The following NLGN4X variants were observed in gnomAD, a reference collection of about 807,000 sequenced individuals.
The protein encoded by NLGN4X is neuroligin-4, X-linked.
NLGN4X carries 3 observed loss-of-function variants against 40.3 expected under a neutral mutation model. The observed-to-expected ratio is 0.07, with a 90% confidence interval of 0.03 to 0.19. NLGN4X has a LOEUF of 0.19. NLGN4X is among the 10% of genes least tolerant of loss of function. The pLI is 1.00. For missense variants in NLGN4X, 382 were observed against 708.3 expected, an observed-to-expected ratio of 0.54 and a Z score of 5.23; for synonymous variants, 270 against 306.8, an observed-to-expected ratio of 0.88 and a Z score of 1.25.
At chrX:6,208,516 C>G (rs751925600) in intron 1 of NLGN4X, among the ~76,000 whole-genome samples, 14 of 112,269 alleles carry the variant, frequency 1.2e-4, no homozygotes, top group Middle Eastern at 4.7e-3. Flanking sequence ...GTTACTATCT[C>G]TCATTGCACT....
chrX:6,132,334 G>C (rs887326834), intron 2 of NLGN4X, among the ~76,000 whole-genome samples: 3 of 111,341 alleles, frequency 2.7e-5, no homozygotes, highest in African/African-American at 9.8e-5. Flanking sequence ...ACACCCCCTT[G>C]CCAGCTGAAT....
At chrX:5,934,132 T>C (rs953938546) in intron 3 of NLGN4X, among the ~76,000 whole-genome samples, 2 of 111,779 alleles carry the variant, frequency 1.8e-5, no homozygotes, top group Non-Finnish European at 3.8e-5. Context: ...CCACATATAA[T>C]TGAGATCATG....
At chrX:5,899,349 C>T (rs762966621) in intron 5 of NLGN4X, among the ~76,000 whole-genome samples, 30 of 111,772 alleles carry the variant, frequency 2.7e-4, no homozygotes, top group African/African-American at 7.2e-4. Flanking sequence ...AGCATCAGAG[C>T]GTCTCTCCAA....
In NLGN4X at chrX:5,903,710, T is replaced by C; in HGVS notation, c.968A>G (p.Tyr323Cys). 2.5e-6 allele frequency: 3 copies of C among 1,211,842 alleles called. No homozygotes were observed. Among genetic ancestry groups the C allele is most frequent in the Non-Finnish European group, 3.3e-6 (3 of 895,582 alleles). Residue 323 changes from tyrosine (Y) to cysteine (C), a missense_variant, in exon 5 of 6, where the codon TAC becomes TGC. By Grantham distance (194) the Tyr-to-Cys change is radical. This residue lies in a region of NLGN4X where 29 missense variants were observed against 32.1 expected (regional missense o/e 0.90). Coordinates refer to ENST00000381095, the MANE Select transcript of NLGN4X (RefSeq NM_181332.3). ...GATGGTCTGCTGGATGAGCTCCTTG[T>C]AGTTCTTGTTCCGCAGGCATTCTAC... is the stretch of plus-strand genomic sequence containing the variant. ...DMVECLRNKN[Y>C]KELIQQTITP...
chrX:5,898,416 T>C (rs1217122386), intron 5 of NLGN4X, among the ~76,000 whole-genome samples: 1 of 109,148 alleles, frequency 9.2e-6, no homozygotes, highest in African/African-American at 3.3e-5. Context: ...ATCATTTTTC[T>C]GTGCTCATCC....
chrX:5,902,560 G>T (rs764479235), intron 5 of NLGN4X, among the ~76,000 whole-genome samples: 4 of 111,122 alleles, frequency 3.6e-5, no homozygotes, highest in African/African-American at 6.6e-5. Context: ...ATGGTGGCAG[G>T]CACCTGTAGT....
chrX:6,042,106 C>G (rs2037174328), intron 2 of NLGN4X, among the ~76,000 whole-genome samples: 1 of 112,031 alleles, frequency 8.9e-6, no homozygotes, highest in Non-Finnish European at 1.9e-5. Flanking sequence ...TTCTAATTTT[C>G]TACTAGCTCA....
chrX:6,072,111 G>A (rs747369460), intron 2 of NLGN4X, among the ~76,000 whole-genome samples: 18 of 110,845 alleles, frequency 1.6e-4, no homozygotes, highest in Non-Finnish European at 2.8e-4. Context: ...ACAGAAAGCT[G>A]GAAATAGATT....
chrX:6,071,672 C>G (rs2038067290), intron 2 of NLGN4X, among the ~76,000 whole-genome samples: 1 of 111,934 alleles, frequency 8.9e-6, no homozygotes, highest in African/African-American at 3.2e-5. Context: ...TCTAACATGG[C>G]TGGAGAAACC....
At chrX:6,094,673 G>A (rs2038718383) in intron 2 of NLGN4X, among the ~76,000 whole-genome samples, 1 of 111,494 alleles carries the variant, frequency 9.0e-6, no homozygotes, top group South Asian at 3.8e-4. Context: ...GGTATGCATT[G>A]CATCTCAAAT....
At chrX:5,934,380 GAATA>G (rs2033664543) in intron 3 of NLGN4X, among the ~76,000 whole-genome samples, 1 of 111,576 alleles carries the variant, frequency 9.0e-6, no homozygotes, top group Non-Finnish European at 1.9e-5. Context: ...TAAAGCATAA[GAATA>G]AATACATATG....
At chrX:5,995,277 G>A (rs1216937448) in intron 3 of NLGN4X, among the ~76,000 whole-genome samples, 1 of 112,444 alleles carries the variant, frequency 8.9e-6, no homozygotes, top group African/African-American at 3.2e-5. Flanking sequence ...CTCTGTGTGC[G>A]AAGAGCACAG....
intron 1 of NLGN4X, among the ~76,000 whole-genome samples, chrX:6,211,530 G>T (rs1213175585): frequency 8.9e-6 from 1 of 111,754 alleles, no homozygotes. Context: ...TATAGATAGA[G>T]ATATATATAG....
intron 5 of NLGN4X, among the ~76,000 whole-genome samples, chrX:5,896,503 T>C (rs1305487310): frequency 8.9e-6 from 1 of 112,028 alleles, no homozygotes; most frequent in Non-Finnish European, 1.9e-5. Context: ...ACTATAATGA[T>C]TGAGGACAGA....
intron 3 of NLGN4X, among the ~76,000 whole-genome samples, chrX:5,953,010 A>G (rs2146950277): frequency 9.0e-6 from 1 of 111,380 alleles, no homozygotes; most frequent in Non-Finnish European, 1.9e-5. Flanking sequence ...TGATATTTAG[A>G]GAGATCTTTG....
chrX:6,223,066 A>G (rs1274483990), intron 1 of NLGN4X, among the ~76,000 whole-genome samples: 1 of 110,993 alleles, frequency 9.0e-6, no homozygotes, highest in Non-Finnish European at 1.9e-5. Flanking sequence ...CACTATATAT[A>G]TAATAATAAG....
At chrX:5,958,527 T>C (rs865964321) in intron 3 of NLGN4X, among the ~76,000 whole-genome samples, 7 of 111,714 alleles carry the variant, frequency 6.3e-5, no homozygotes, top group Non-Finnish European at 1.3e-4. Context: ...CTGAGCTATG[T>C]GGCTTTTGCA....
At chrX:5,972,772 T>G (rs534758331) in intron 3 of NLGN4X, among the ~76,000 whole-genome samples, 13 of 34,707 alleles carry the variant, frequency 3.7e-4, no homozygotes, top group African/African-American at 1.1e-3. Flanking sequence ...GGGGGCGGGG[T>G]GGGGGCGGGG....
intron 2 of NLGN4X, among the ~76,000 whole-genome samples, chrX:6,149,182 G>A (rs1255329368): frequency 2.7e-5 from 3 of 111,996 alleles, no homozygotes; most frequent in African/African-American, 6.5e-5. Context: ...CGGCCACACC[G>A]TTTGTGGTCT....
Sources: gnomAD v4.1 joint callset for allele counts (sites outside exome capture counted in the v4.1 genomes callset) on GRCh38, gnomAD v4.1.1 for gene constraint, gnomAD v4.1.1 regional missense constraint, MANE v1.5 for transcripts, NCBI Gene and HGNC (gene_info 2026-07-23, HGNC 2026-07-21) for gene names.